The following CD36 variants were observed in gnomAD, a reference collection of about 807,000 sequenced individuals.
CD36 encodes platelet glycoprotein 4.
In CD36, 119 loss-of-function variants were observed where a neutral mutation model predicts 55.2. The observed-to-expected ratio is 2.15, with a 90% CI of 1.86 to 2.51. CD36 has a LOEUF of 2.51. Among genes scored for constraint, CD36 ranks in the 30% most tolerant of loss-of-function variants. The probability of loss-of-function intolerance (pLI) is 0.00; values close to 1 mark genes in which losing one functional copy is unlikely to be tolerated. For synonymous variants in CD36, 186 were observed against 193.6 expected, an observed-to-expected ratio of 0.96 and a Z score of 0.33; for missense variants, 819 against 555.5, an observed-to-expected ratio of 1.47 and a Z score of -4.77.
chr7:80,670,255 C>T (rs1030060822), intron 9 of CD36: 49 of 512,796 alleles, frequency 9.6e-5, no homozygotes, highest in Admixed American at 1.3e-4. Flanking sequence ...AGTCTATTAA[C>T]GATCAAGTCC....
intron 1 of CD36, among the ~76,000 whole-genome samples, chr7:80,642,082 C>G (rs1188999992): frequency 6.6e-6 from 1 of 152,066 alleles, no homozygotes; most frequent in Non-Finnish European, 1.5e-5. Context: ...CCTATAGAAT[C>G]AAGAAAGGCA....
chr7:80,640,087 G>A (rs1196320388), intron 1 of CD36, among the ~76,000 whole-genome samples: 1 of 151,982 alleles, frequency 6.6e-6, no homozygotes, highest in Non-Finnish European at 1.5e-5. Context: ...GAAAGTTTAA[G>A]ATAATTCTGT....
intron 1 of CD36, among the ~76,000 whole-genome samples, chr7:80,616,448 T>TGC (rs1793160574): frequency 9.0e-6 from 1 of 110,736 alleles, no homozygotes; most frequent in Admixed American, 8.4e-5. Flanking sequence ...TGTGTGTGTG[T>TGC]GCCTGCACGC....
chr7:80,644,505 T>G (rs1291657611), intron 1 of CD36, among the ~76,000 whole-genome samples: 6 of 152,198 alleles, frequency 3.9e-5, no homozygotes, highest in Non-Finnish European at 8.8e-5. Context: ...AGGGAACATA[T>G]GTAAATAATA....
rs745327487 is a variant in CD36, at chr7:80,673,403, TA to T, written c.1250del (p.Asn417MetfsTer18). 1.5e-5 allele frequency: 23 copies of T among 1,564,248 alleles called. No individual in the cohort carries two copies. The highest frequency in any genetic ancestry group is 2.0e-5 in the Non-Finnish European group (23 of 1,135,306). ...ACTATATTGTGCCTATTCTTTGGCTTAATGAGGTTTGTATTTGCAGCTGTTA... is the reference window on the plus strand; with the variant it reads ...ACTATATTGTGCCTATTCTTTGGCTTATGAGGTTTGTATTTGCAGCTGTTA... ...RNYIVPILWL[N>X]ETGTIGDEKA... is the part of the protein sequence containing the mutation. On this transcript the variant is annotated frameshift_variant, in exon 13 of 15. Coordinates refer to ENST00000447544, the MANE Select transcript of CD36 (RefSeq NM_001001548.3). LOFTEE classifies it high-confidence loss of function.
Position 80,671,032 on chromosome 7 carries a change from A to T in CD36, c.874A>T (p.Arg292Ter), listed in dbSNP as rs760212344. 4 of 1,613,028 alleles carry T rather than the reference A, an allele frequency of 2.5e-6. No homozygotes were observed. In the South Asian group the frequency reaches 4.4e-5, roughly 18 times the overall value. ...DVNLKGIPVY[R>*]FVLPSKAFAS... ...TAATCTGAAAGGAATCCCTGTGTATAGATTTGTTCTTCCATCCAAGGCCTT... is the reference window on the plus strand; with the variant it reads ...TAATCTGAAAGGAATCCCTGTGTATTGATTTGTTCTTCCATCCAAGGCCTT... The change falls in exon 10 of 15, where the codon AGA (arginine) becomes TGA (stop). Residue 292 changes from arginine (R) to a stop codon, truncating the protein, a stop_gained. Transcript: ENST00000447544. LOFTEE classifies it high-confidence loss of function.
upstream of CD36, among the ~76,000 whole-genome samples, chr7:80,634,562 T>G (rs761982986): frequency 4.6e-5 from 7 of 152,076 alleles, no homozygotes; most frequent in Non-Finnish European, 1.0e-4. Flanking sequence ...GATTATTACG[T>G]CTTGCCTAGT....
chr7:80,637,139 T>C (rs1271920393), upstream of CD36: 3 of 152,138 alleles, frequency 2.0e-5, no homozygotes, highest in East Asian at 5.8e-4. Flanking sequence ...ACAGGTCTTA[T>C]CTGAACCCTT....
chr7:80,666,419 T>C (rs776066023), intron 7 of CD36, 24 bp from the exon 8 acceptor site: 1 of 1,506,886 alleles, frequency 6.6e-7, no homozygotes, highest in Non-Finnish European at 9.2e-7. Context: ...AGAATGTTTA[T>C]TCATTGTCTT....
At chr7:80,614,713 C>T (rs1349134462) in intron 1 of CD36, among the ~76,000 whole-genome samples, 1 of 152,090 alleles carries the variant, frequency 6.6e-6, no homozygotes, top group African/African-American at 2.4e-5. Context: ...AATTCCAATA[C>T]CCCAGTTTAT....
intron 3 of CD36, among the ~76,000 whole-genome samples, chr7:80,653,855 T>A (rs566955388): frequency 6.6e-6 from 1 of 152,256 alleles, no homozygotes; most frequent in South Asian, 2.1e-4. Flanking sequence ...TACTTCAATA[T>A]TTTTCTCTAT....
At position 80,671,003 on chromosome 7, in the gene CD36, A is replaced by T. The variant is rs757665265; in HGVS notation, c.845A>T (p.Asp282Val). The T allele has an allele frequency of 1.2e-6, 2 of 1,613,402 alleles. No individual in the cohort carries two copies. Among genetic ancestry groups the T allele is most frequent in the Non-Finnish European group, 1.7e-6 (2 of 1,179,452 alleles). ...CRSIYAVFES[D>V]VNLKGIPVYR... ...TCAATCTATGCTGTATTTGAATCCG[A>T]CGTTAATCTGAAAGGAATCCCTGTG... The change falls in exon 10 of 15, where the codon GAC becomes GTC. Residue 282 changes from aspartate (D) to valine (V), a missense_variant. By Grantham distance (152) the Asp-to-Val change is radical. Transcript: ENST00000447544.
chr7:80,635,752 T>C (rs1476664640), upstream of CD36, among the ~76,000 whole-genome samples: 1 of 152,080 alleles, frequency 6.6e-6, no homozygotes, highest in Admixed American at 6.6e-5. Flanking sequence ...CAGACTCGGA[T>C]TCCATTCATT....
chr7:80,639,420 A>AT (rs1317994604), intron 1 of CD36, among the ~76,000 whole-genome samples: 1 of 151,852 alleles, frequency 6.6e-6, no homozygotes, highest in East Asian at 1.9e-4. Context: ...AATAAAGTTA[A>AT]TTTTTTTTCG....
intron 1 of CD36, among the ~76,000 whole-genome samples, chr7:80,627,813 C>G (rs1433846317): frequency 6.6e-6 from 1 of 152,028 alleles, no homozygotes; most frequent in East Asian, 1.9e-4. Flanking sequence ...ATAAACACAA[C>G]TGGTACATTG....
chr7:80,608,795 G>T (rs1406457155), intron 1 of CD36, among the ~76,000 whole-genome samples: 1 of 152,080 alleles, frequency 6.6e-6, no homozygotes, highest in Non-Finnish European at 1.5e-5. Context: ...TAAAACCTGA[G>T]ACTTACGATT....
In CD36 at chr7:80,677,347, G is replaced by A. The variant is rs934543170; in HGVS notation, c.*964G>A. On this transcript the variant is annotated 3_prime_UTR_variant, in exon 15 of 15. Transcript: ENST00000447544. ...TCCTAAAAAGCTCCAGCATAGAAAG[G>A]GAAGATAAACCAAATTCTAGCTTGT... 3.9e-5 allele frequency: 6 copies of A among 152,106 alleles called. No individual in the cohort carries two copies. Among genetic ancestry groups the A allele is most frequent in the Admixed American group, 3.9e-4 (6 of 15,264 alleles). 9.4% of individuals were successfully genotyped at this position (152,106 alleles called of 1,614,324 possible). A position where few individuals can be genotyped will look rare whatever the true frequency, so the allele number is the denominator to read the frequency against.
intron 1 of CD36, among the ~76,000 whole-genome samples, chr7:80,622,631 C>T (rs1246595153): frequency 1.3e-5 from 2 of 152,154 alleles, no homozygotes; most frequent in African/African-American, 4.8e-5. Flanking sequence ...GACTAGATGT[C>T]TGCAGTGAGA....
At chr7:80,662,484 G>C in intron 5 of CD36, 1 of 264,372 alleles carries the variant, frequency 3.8e-6, no homozygotes, top group Non-Finnish European at 8.1e-6. Context: ...GCCTCGTGCC[G>C]TTAGACGTGG....
Sources: gnomAD v4.1 joint callset for allele counts (sites outside exome capture counted in the v4.1 genomes callset) on GRCh38, gnomAD v4.1.1 for gene constraint, MANE v1.5 for transcripts, NCBI Gene and HGNC (gene_info 2026-07-23, HGNC 2026-07-21) for gene names.